Variants in PMM2 observed in about 807,000 individuals in gnomAD.
The protein encoded by PMM2 is mannose-6-phosphate isomerase.
Under a neutral mutation model 33.2 loss-of-function variants are expected in PMM2, and 35 were observed. The ratio of observed to expected loss-of-function variants is 1.06; its 90% CI spans 0.81 to 1.40. The LOEUF is 1.40. Among genes scored for constraint, PMM2 ranks in the 40% most tolerant of loss-of-function variants. PMM2 has a pLI of 0.00. For missense variants in PMM2, 386 were observed against 306.0 expected, an observed-to-expected ratio of 1.26 and a Z score of -1.95; for synonymous variants, 153 against 114.7, an observed-to-expected ratio of 1.33 and a Z score of -2.13.
chr16:8,847,761 C>G lies in PMM2; in HGVS notation c.677C>G (p.Thr226Ser), dbSNP rs80338706. 2 of 1,614,026 alleles carry G rather than the reference C, an allele frequency of 1.2e-6. No individual in the cohort carries two copies. The highest frequency in any genetic ancestry group is 8.5e-7 in the Non-Finnish European group (1 of 1,179,912). The change falls in exon 8 of 8, where the codon ACC becomes AGC. Residue 226 changes from threonine (T) to serine (S), a missense_variant. By Grantham distance (58) the Thr-to-Ser change is moderately conservative. Coordinates refer to ENST00000268261, the MANE Select transcript of PMM2 (RefSeq NM_000303.3). ...CATGAGATCTTCACAGACCCCAGAA[C>G]CATGGGCTACTCCGTGACAGCGCCT... ...NDHEIFTDPR[T>S]MGYSVTAPED... is the part of the protein sequence containing the mutation.
chr16:8,847,081 C>A (rs538646062), intron 7 of PMM2, among the ~76,000 whole-genome samples: 1 of 152,214 alleles, frequency 6.6e-6, no homozygotes, highest in East Asian at 1.9e-4. Context: ...CCAGGTTGGT[C>A]TCAAATTCCT....
At chr16:8,827,895 TATG>T (rs1567164847) in intron 7 of PMM2, among the ~76,000 whole-genome samples, 1 of 104,006 alleles carries the variant, frequency 9.6e-6, no homozygotes, top group African/African-American at 3.6e-5. Context: ...ATATGATATA[TATG>T]ATATATATTA....
intron 7 of PMM2, among the ~76,000 whole-genome samples, chr16:8,837,881 G>A (rs796269306): frequency 3.9e-5 from 6 of 152,058 alleles, no homozygotes; most frequent in Admixed American, 1.3e-4. Context: ...TCTGACCGGC[G>A]CCGGAGTTTT....
chr16:8,822,561 G>A (rs1008664652), intron 7 of PMM2, among the ~76,000 whole-genome samples: 11 of 152,244 alleles, frequency 7.2e-5, no homozygotes, highest in African/African-American at 2.7e-4. Context: ...TTAGAAGCAA[G>A]ATGGAGTCAT....
At chr16:8,830,059 A>G (rs2141036520) in intron 7 of PMM2, among the ~76,000 whole-genome samples, 1 of 152,332 alleles carries the variant, frequency 6.6e-6, no homozygotes, top group Non-Finnish European at 1.5e-5. Context: ...ATGGGGCTAC[A>G]GTTACAGGAC....
At chr16:8,827,730 A>ATG (rs1235897675) in intron 7 of PMM2, among the ~76,000 whole-genome samples, 6 of 13,748 alleles carry the variant, frequency 4.4e-4, no homozygotes, top group African/African-American at 1.1e-3. Flanking sequence ...ATATATATAT[A>ATG]TATATATATA....
intron 7 of PMM2, among the ~76,000 whole-genome samples, chr16:8,824,175 T>G (rs2060753131): frequency 6.6e-6 from 1 of 152,350 alleles, no homozygotes; most frequent in Admixed American, 6.5e-5. Flanking sequence ...TTCTGGACTC[T>G]GAAAAACAAA....
In PMM2 at chr16:8,830,157, C is replaced by G. The variant is rs140617629; in HGVS notation, c.639+17051C>G. Reference sequence around the variant, plus strand: ...GTAGAGATGGTGCCAGTGTCAGCCCCCAGTCGAAGAGAACTAGGTGGCCGC... The same window carrying G: ...GTAGAGATGGTGCCAGTGTCAGCCCGCAGTCGAAGAGAACTAGGTGGCCGC... On this transcript the variant is annotated intron_variant, in intron 7 of 7. Transcript: ENST00000268261. 2.9e-4 allele frequency among the ~76,000 whole-genome samples: 44 copies of G among 152,298 alleles called. No individual in the cohort carries two copies. The East Asian group carries it at 5.0e-3, about 17-fold the overall frequency.
rs1190607031 is a variant in PMM2, at chr16:8,828,046, T to TTA, written c.639+14940_639+14941insTA. 6.4e-5 allele frequency among the ~76,000 whole-genome samples: 8 copies of TTA among 124,420 alleles called. 1 individual carries two copies. The South Asian group carries it at 1.2e-3, about 19-fold the overall frequency. 81.6% of individuals were successfully genotyped at this position (124,420 alleles called of 152,430 possible). A position where few individuals can be genotyped will look rare whatever the true frequency, so the allele number is the denominator to read the frequency against. On this transcript the variant is annotated intron_variant, in intron 7 of 7. Coordinates refer to ENST00000268261, the MANE Select transcript of PMM2 (RefSeq NM_000303.3). ...AACTCTTTTTTTTTTTTTTTTTTTT[T>TTA]ACAAAATCTTTTTAAATTTCTTATT...
intron 2 of PMM2, among the ~76,000 whole-genome samples, chr16:8,802,557 G>A (rs1379465543): frequency 6.6e-6 from 1 of 152,148 alleles, no homozygotes; most frequent in Non-Finnish European, 1.5e-5. Flanking sequence ...TGCCAGGCGC[G>A]GTGGCTCACG....
chr16:8,826,415 A>G (rs1404793949), intron 7 of PMM2, among the ~76,000 whole-genome samples: 2 of 152,194 alleles, frequency 1.3e-5, no homozygotes, highest in African/African-American at 4.8e-5. Flanking sequence ...GCTAGGAGTC[A>G]TGGCTACCTC....
intron 2 of PMM2, among the ~76,000 whole-genome samples, chr16:8,802,608 C>T (rs1245569168): frequency 6.6e-6 from 1 of 152,106 alleles, no homozygotes; most frequent in Non-Finnish European, 1.5e-5. Flanking sequence ...GCGGATGGAT[C>T]ACCTGAGGTC....
At chr16:8,837,752 C>T (rs1032050358) in intron 7 of PMM2, among the ~76,000 whole-genome samples, 3 of 152,102 alleles carry the variant, frequency 2.0e-5, no homozygotes, top group East Asian at 3.9e-4. Context: ...TGGGACTTGC[C>T]GCTAAGGGTG....
chr16:8,832,722 C>T (rs1362052741), intron 7 of PMM2: 50 of 985,216 alleles, frequency 5.1e-5, no homozygotes, highest in East Asian at 3.4e-4. Flanking sequence ...GATCATGGCC[C>T]GGGCTTGCAG....
chr16:8,837,910 T>C (rs922614508), intron 7 of PMM2, among the ~76,000 whole-genome samples: 1 of 152,066 alleles, frequency 6.6e-6, no homozygotes, highest in African/African-American at 2.4e-5. Context: ...AGATAAAATG[T>C]GTCTCCTTTG....
intron 2 of PMM2, among the ~76,000 whole-genome samples, chr16:8,804,183 C>T (rs954139875): frequency 7.3e-5 from 11 of 151,210 alleles, no homozygotes; most frequent in Non-Finnish European, 1.0e-4. Context: ...GGGTTACAGG[C>T]GCACACCACC....
chr16:8,832,143 C>G, intron 7 of PMM2: 2 of 985,424 alleles, frequency 2.0e-6, no homozygotes, highest in Non-Finnish European at 2.4e-6. Flanking sequence ...GCAAGCTCGA[C>G]ACAGCCCCAA....
At chr16:8,842,627 G>C (rs1375351555) in intron 7 of PMM2, among the ~76,000 whole-genome samples, 1 of 152,188 alleles carries the variant, frequency 6.6e-6, no homozygotes, top group East Asian at 1.9e-4. Flanking sequence ...GGATGAAAGA[G>C]TGTATGGGTT....
In PMM2 at chr16:8,801,823, T is replaced by C. The variant is rs749720760; in HGVS notation, c.91T>C (p.Phe31Leu). ...GAAAATTACCAAAGAAATGGATGAC[T>C]TCCTACAAAAATTGAGGCAGAAGAT... ...RQKITKEMDD[F>L]LQKLRQKIKI... The change falls in exon 2 of 8, where the codon TTC (phenylalanine) becomes CTC (leucine). Residue 31 changes from phenylalanine (F) to leucine (L), a missense_variant. Physicochemically the swap from Phe to Leu is conservative, Grantham distance 22 (BLOSUM62 0). Transcript: ENST00000268261. 9.9e-5 allele frequency: 159 copies of C among 1,610,454 alleles called. No individual in the cohort carries two copies. Among genetic ancestry groups the C allele is most frequent in the Admixed American group, 2.5e-4 (15 of 59,966 alleles).
Sources: gnomAD v4.1 joint callset for allele counts (sites outside exome capture counted in the v4.1 genomes callset) on GRCh38, gnomAD v4.1.1 for gene constraint, MANE v1.5 for transcripts, NCBI Gene and HGNC (gene_info 2026-07-23, HGNC 2026-07-21) for gene names.